Variants in ENOX1 observed in about 807,000 individuals in gnomAD.
The protein encoded by ENOX1 is candidate growth-related and time keeping constitutive hydroquinone (NADH) oxidase.
A neutral mutation model predicts 82.5 loss-of-function variants in ENOX1; 42 were observed. That is an observed-to-expected ratio of 0.51 (90% CI 0.40 to 0.66). The LOEUF is 0.66. Ranked by LOEUF, ENOX1 falls within the 30% of genes least tolerant of loss-of-function variation. The pLI is 0.00. For missense variants in ENOX1, 608 were observed against 811.6 expected, an observed-to-expected ratio of 0.75 and a Z score of 3.05; for synonymous variants, 271 against 282.2, an observed-to-expected ratio of 0.96 and a Z score of 0.40.
chr13:43,738,728 G>A (rs111227281), intron 1 of ENOX1, among the ~76,000 whole-genome samples: 2,167 of 31,020 alleles, frequency 0.07, 23 homozygotes, highest in Non-Finnish European at 0.21. Context: ...AGATTTTTTT[G>A]TTCCCAAACT....
At chr13:43,631,774 G>C (rs187688246) in intron 2 of ENOX1, among the ~76,000 whole-genome samples, 2 of 151,784 alleles carry the variant, frequency 1.3e-5, no homozygotes, top group Non-Finnish European at 2.9e-5. Context: ...TTATCTGATC[G>C]TGATGCTTCA....
intron 3 of ENOX1, among the ~76,000 whole-genome samples, chr13:43,456,326 A>C (rs1393417018): frequency 1.3e-5 from 2 of 152,026 alleles, no homozygotes; most frequent in Non-Finnish European, 2.9e-5. Flanking sequence ...ATTTATATTT[A>C]AGAAATATAT....
In ENOX1 at chr13:43,667,495, C is replaced by T; in HGVS notation, c.-235G>A. On this transcript the variant is annotated 5_prime_UTR_variant, in exon 2 of 17. Transcript: ENST00000690772. ...TCCCTTTACCTGAGCATGGTGAGCT[C>T]TCTCTCCTCCACATATTATAAATAC... The T allele has an allele frequency of 1.0e-6, 1 of 985,512 alleles. No homozygotes were observed. 61.0% of individuals were successfully genotyped at this position (985,512 alleles called of 1,614,324 possible).
intron 6 of ENOX1, 89 bp downstream of exon 6, chr13:43,361,190 T>A: frequency 7.4e-7 from 1 of 1,359,548 alleles, no homozygotes. Flanking sequence ...TACGTGTGAG[T>A]CACATCTGAA....
intron 2 of ENOX1, among the ~76,000 whole-genome samples, chr13:43,536,917 C>T (rs1294786776): frequency 6.6e-6 from 1 of 152,092 alleles, no homozygotes; most frequent in Non-Finnish European, 1.5e-5. Flanking sequence ...GACCAATTTA[C>T]ATAAAAAACC....
At chr13:43,625,084 A>G (rs2082906963) in intron 2 of ENOX1, among the ~76,000 whole-genome samples, 1 of 151,948 alleles carries the variant, frequency 6.6e-6, no homozygotes, top group Admixed American at 6.6e-5. Context: ...CATTTCTTAT[A>G]CATGTTTTGT....
At chr13:43,486,843 T>C (rs1328270158) in intron 2 of ENOX1, among the ~76,000 whole-genome samples, 2 of 152,226 alleles carry the variant, frequency 1.3e-5, no homozygotes, top group Non-Finnish European at 2.9e-5. Flanking sequence ...AAGTGCTTTG[T>C]GCACTGAGTA....
intron 9 of ENOX1, among the ~76,000 whole-genome samples, chr13:43,331,017 C>T (rs1330136702): frequency 1.3e-5 from 2 of 152,152 alleles, no homozygotes; most frequent in Non-Finnish European, 1.5e-5. Flanking sequence ...TCATGAGAAG[C>T]GCTGGTCTTC....
intron 2 of ENOX1, among the ~76,000 whole-genome samples, chr13:43,588,753 G>A (rs1325153153): frequency 2.6e-5 from 4 of 152,192 alleles, no homozygotes; most frequent in Non-Finnish European, 5.9e-5. Context: ...GGCTGCTCTG[G>A]TGATGCCAAT....
chr13:43,421,296 T>G (rs2054958927), intron 3 of ENOX1, among the ~76,000 whole-genome samples: 1 of 152,200 alleles, frequency 6.6e-6, no homozygotes, highest in Non-Finnish European at 1.5e-5. Context: ...AATAGTAAGA[T>G]GAAAATGTAT....
At chr13:43,634,198 T>C (rs1307276021) in intron 2 of ENOX1, among the ~76,000 whole-genome samples, 1 of 152,220 alleles carries the variant, frequency 6.6e-6, no homozygotes, top group African/African-American at 2.4e-5. Context: ...GTCTGCACAC[T>C]TTTAATGTTT....
intron 11 of ENOX1, 65 bp from the exon 12 acceptor site, chr13:43,298,595 T>A: frequency 6.9e-7 from 1 of 1,449,120 alleles, no homozygotes; most frequent in Non-Finnish European, 9.3e-7. Context: ...AGGCCTTCTG[T>A]GGGAAAGGGA....
At chr13:43,598,695 A>G (rs2081572733) in intron 2 of ENOX1, among the ~76,000 whole-genome samples, 1 of 152,212 alleles carries the variant, frequency 6.6e-6, no homozygotes, top group South Asian at 2.1e-4. Flanking sequence ...CAAATATTAA[A>G]CTACAGATGA....
At chr13:43,524,188 T>C (rs1472192833) in intron 2 of ENOX1, among the ~76,000 whole-genome samples, 1 of 152,156 alleles carries the variant, frequency 6.6e-6, no homozygotes, top group Non-Finnish European at 1.5e-5. Context: ...TAGTGACATC[T>C]GAAAACAAGT....
chr13:43,400,698 C>T (rs1018112447), intron 5 of ENOX1, among the ~76,000 whole-genome samples: 3 of 152,112 alleles, frequency 2.0e-5, no homozygotes, highest in South Asian at 2.1e-4. Context: ...TCAAGGACAA[C>T]AAAAAGTGAT....
chr13:43,462,950 T>A (rs1182800999), intron 3 of ENOX1, among the ~76,000 whole-genome samples: 1 of 152,218 alleles, frequency 6.6e-6, no homozygotes, highest in African/African-American at 2.4e-5. Flanking sequence ...TAGTGCATAG[T>A]CGTTACGTTA....
chr13:43,510,141 T>A (rs984130436), intron 2 of ENOX1, among the ~76,000 whole-genome samples: 1 of 152,040 alleles, frequency 6.6e-6, no homozygotes, highest in African/African-American at 2.4e-5. Context: ...ATAAATATTA[T>A]AGGACTTTCT....
chr13:43,459,256 G>C (rs2057359641), intron 3 of ENOX1: 1 of 152,206 alleles, frequency 6.6e-6, no homozygotes, highest in Non-Finnish European at 1.5e-5. Flanking sequence ...TATAAAGACA[G>C]TTGAATGACC....
chr13:43,478,706 T>C (rs1206794214), intron 3 of ENOX1, among the ~76,000 whole-genome samples: 1 of 152,180 alleles, frequency 6.6e-6, no homozygotes, highest in East Asian at 1.9e-4. Flanking sequence ...GTGTATTTTG[T>C]GGAAGCTGAG....
Sources: gnomAD v4.1 joint callset for allele counts (sites outside exome capture counted in the v4.1 genomes callset) on GRCh38, gnomAD v4.1.1 for gene constraint, MANE v1.5 for transcripts, NCBI Gene and HGNC (gene_info 2026-07-23, HGNC 2026-07-21) for gene names.